The following EIF4G3 variants were observed in gnomAD, a reference collection of about 807,000 sequenced individuals.
The protein encoded by EIF4G3 is eukaryotic translation initiation factor 4 gamma 3, also known as eIF-4-gamma 3.
In EIF4G3, 34 loss-of-function variants were observed where a neutral mutation model predicts 186.4. The ratio of observed to expected loss-of-function variants is 0.18; its 90% CI spans 0.14 to 0.24. The LOEUF is 0.24. Ranked by LOEUF, EIF4G3 falls within the 10% of genes least tolerant of loss-of-function variation. The pLI is 1.00. For synonymous variants in EIF4G3, 673 were observed against 679.5 expected (o/e 0.99, Z 0.15); for missense variants, 1,536 against 1,948.5 (o/e 0.79, Z 3.99).
intron 3 of EIF4G3, 96 bp from the exon 4 acceptor site, chr1:21,051,090 C>A: frequency 1.5e-6 from 1 of 675,560 alleles, no homozygotes. Flanking sequence ...GATTTCCTAC[C>A]TCACAACTTA....
chr1:20,904,257 T>TA (rs2091384602), intron 15 of EIF4G3, among the ~76,000 whole-genome samples: 2 of 152,236 alleles, frequency 1.3e-5, no homozygotes, highest in African/African-American at 2.4e-5. Flanking sequence ...TTAAAAACTC[T>TA]CCATTTTTGT....
At chr1:20,814,757 CCCCCT>C in intron 34 of EIF4G3, among the ~76,000 whole-genome samples, 1 of 26,070 alleles carries the variant, frequency 3.8e-5, no homozygotes, top group Non-Finnish European at 7.4e-5. Context: ...ATCTCCCCCT[CCCCCT>C]CCCCCTCCCC....
intron 7 of EIF4G3, among the ~76,000 whole-genome samples, chr1:20,991,512 G>A (rs1016807440): frequency 3.3e-5 from 5 of 151,650 alleles, no homozygotes; most frequent in Non-Finnish European, 5.9e-5. Flanking sequence ...AGGTTGCAGA[G>A]AGCTGAGATC....
Position 20,851,403 on chromosome 1 carries a change from C to T in EIF4G3, c.3627G>A (p.Arg1209=), listed in dbSNP as rs1305435714. Residue 1209 remains arginine (R), a synonymous_variant, in exon 28 of 37, where the codon AGG becomes AGA. Transcript: ENST00000602326. Reference sequence around the variant, plus strand: ...CTAGCAGGTCTTTACTGCTGCCACCCCTCATGAAAGTATTTGGCCGAGCTG... The same window carrying T: ...CTAGCAGGTCTTTACTGCTGCCACCTCTCATGAAAGTATTTGGCCGAGCTG... ...SATARPNTFM[R]GGSSKDLLDN... 1 of 1,614,120 alleles carries T rather than the reference C, an allele frequency of 6.2e-7. No individual in the cohort carries two copies. The highest frequency in any genetic ancestry group is 8.5e-7 in the Non-Finnish European group (1 of 1,180,014).
chr1:21,168,925 C>T (rs533897847), intron 2 of EIF4G3, among the ~76,000 whole-genome samples: 2 of 152,210 alleles, frequency 1.3e-5, no homozygotes, highest in East Asian at 3.9e-4. Flanking sequence ...TGCCTGTAAT[C>T]CCAGAACTTT....
chr1:21,081,215 G>A (rs61779074), intron 3 of EIF4G3, among the ~76,000 whole-genome samples: 2,426 of 152,192 alleles, frequency 0.016, 43 homozygotes, highest in Non-Finnish European at 0.022. Context: ...GGTGGATCAC[G>A]AGGTCAAGAG....
chr1:21,035,260 T>G (rs1326309018), intron 4 of EIF4G3, among the ~76,000 whole-genome samples: 1 of 152,210 alleles, frequency 6.6e-6, no homozygotes, highest in African/African-American at 2.4e-5. Context: ...GCACCTTACC[T>G]GCCGTGGCTA....
At chr1:20,950,144 G>C in intron 12 of EIF4G3, 33 bp from the exon 13 acceptor site, 1 of 1,504,986 alleles carries the variant, frequency 6.6e-7, no homozygotes, top group Non-Finnish European at 8.9e-7. Context: ...GGGTGATAAT[G>C]AGCGTGCGAA....
intron 4 of EIF4G3, among the ~76,000 whole-genome samples, chr1:21,021,873 C>T (rs978241532): frequency 6.6e-6 from 1 of 152,038 alleles, no homozygotes. Context: ...ATTTAAGACT[C>T]AATTACAGTA....
At chr1:21,039,878 G>A (rs2093462217) in intron 4 of EIF4G3, among the ~76,000 whole-genome samples, 1 of 152,098 alleles carries the variant, frequency 6.6e-6, no homozygotes, top group Admixed American at 6.5e-5. Flanking sequence ...TCCAAAAATA[G>A]ACAAATGGCC....
chr1:21,130,978 A>C (rs902616085), intron 2 of EIF4G3, among the ~76,000 whole-genome samples: 1 of 152,118 alleles, frequency 6.6e-6, no homozygotes, highest in African/African-American at 2.4e-5. Flanking sequence ...CATACCTATA[A>C]TCCCAGCACT....
At chr1:21,047,366 C>G (rs1322952753) in intron 4 of EIF4G3, among the ~76,000 whole-genome samples, 3 of 152,192 alleles carry the variant, frequency 2.0e-5, no homozygotes, top group Non-Finnish European at 4.4e-5. Context: ...TCAAGACAGA[C>G]TTTTCATTTT....
At chr1:21,127,849 G>C (rs1033527328) in intron 2 of EIF4G3, among the ~76,000 whole-genome samples, 1 of 152,138 alleles carries the variant, frequency 6.6e-6, no homozygotes, top group Non-Finnish European at 1.5e-5. Flanking sequence ...CACTCCACTA[G>C]ATCTGCCAGT....
intron 30 of EIF4G3, among the ~76,000 whole-genome samples, chr1:20,837,499 T>C (rs1358939941): frequency 6.6e-6 from 1 of 152,138 alleles, no homozygotes; most frequent in African/African-American, 2.4e-5. Flanking sequence ...CCACCGCGCC[T>C]GGCTGGCTTT....
At chr1:20,982,366 T>C (rs1401464855) in intron 8 of EIF4G3, 22 bp downstream of exon 8, 49 of 1,517,128 alleles carry the variant, frequency 3.2e-5, no homozygotes, top group Non-Finnish European at 4.0e-5. Context: ...AAAGAGGCCA[T>C]GCAGAACCAG....
At chr1:21,041,606 A>C (rs1221802754) in intron 4 of EIF4G3, among the ~76,000 whole-genome samples, 1 of 152,244 alleles carries the variant, frequency 6.6e-6, no homozygotes. Context: ...AGAATTTTGA[A>C]TAATATAGTG....
intron 8 of EIF4G3, among the ~76,000 whole-genome samples, chr1:20,982,009 A>G (rs1426125200): frequency 6.6e-6 from 1 of 152,230 alleles, no homozygotes; most frequent in Admixed American, 6.5e-5. Flanking sequence ...CTCTTTGATC[A>G]TAAAATATTT....
chr1:21,002,252 ACT>A (rs2083710823), intron 5 of EIF4G3, among the ~76,000 whole-genome samples: 1 of 152,226 alleles, frequency 6.6e-6, no homozygotes, highest in Non-Finnish European at 1.5e-5. Context: ...ATATACCCAC[ACT>A]GTTAAATGGT....
intron 2 of EIF4G3, among the ~76,000 whole-genome samples, chr1:21,100,223 G>C (rs2096485685): frequency 6.6e-6 from 1 of 152,006 alleles, no homozygotes. Context: ...GAGGAAGGAG[G>C]GTGACTGCTA....
Sources: gnomAD v4.1 joint callset for allele counts (sites outside exome capture counted in the v4.1 genomes callset) on GRCh38, gnomAD v4.1.1 for gene constraint, MANE v1.5 for transcripts, NCBI Gene and HGNC (gene_info 2026-07-23, HGNC 2026-07-21) for gene names.